The following DLG2 variants were observed in gnomAD, a reference collection of about 807,000 sequenced individuals.
The protein encoded by DLG2 is disks large homolog 2.
A neutral mutation model predicts 132.5 loss-of-function variants in DLG2; 45 were observed. That is an observed-to-expected ratio of 0.34 (90% CI 0.27 to 0.44). DLG2 has a LOEUF of 0.44. Among genes scored for constraint, DLG2 ranks in the 20% least tolerant of loss-of-function variants. DLG2 has a pLI of 1.00. For missense variants in DLG2, 1,045 were observed against 1,196.9 expected, an observed-to-expected ratio of 0.87 and a Z score of 1.87; for synonymous variants, 424 against 419.6, an observed-to-expected ratio of 1.01 and a Z score of -0.13.
At position 84,053,200 on chromosome 11, in the gene DLG2, T is replaced by C. The variant is rs34555244; in HGVS notation, c.919+6115A>G. Reference sequence around the variant, plus strand: ...GATACAGCATGTTCTCACTTACAAGTGGCAGCTGAGCAATGAGAATACACG... The same window carrying C: ...GATACAGCATGTTCTCACTTACAAGCGGCAGCTGAGCAATGAGAATACACG... On this transcript the variant is annotated intron_variant, in intron 11 of 27. Coordinates refer to ENST00000376104, the MANE Select transcript of DLG2 (RefSeq NM_001142699.3). Among the ~76,000 whole-genome samples the C allele has an allele frequency of 3.0e-3, 454 of 151,940 alleles. 1 individual carries two copies. The highest frequency in any genetic ancestry group is 0.01 in the African/African-American group (427 of 41,482).
intron 9 of DLG2, among the ~76,000 whole-genome samples, chr11:84,148,279 G>C (rs2095164046): frequency 1.3e-5 from 2 of 152,078 alleles, no homozygotes; most frequent in African/African-American, 4.8e-5. Context: ...AAGGCATATT[G>C]TGTGACGCTG....
At chr11:84,175,464 A>C (rs2095936786) in intron 8 of DLG2, among the ~76,000 whole-genome samples, 1 of 152,088 alleles carries the variant, frequency 6.6e-6, no homozygotes, top group African/African-American at 2.4e-5. Context: ...TTTTATTCAA[A>C]AATCTTACCA....
chr11:84,285,057 C>T (rs544182006), intron 7 of DLG2, among the ~76,000 whole-genome samples: 1 of 152,294 alleles, frequency 6.6e-6, no homozygotes, highest in African/African-American at 2.4e-5. Context: ...CCTATTTACA[C>T]ATTTAAACAT....
chr11:84,417,851 C>T (rs1265487440), intron 7 of DLG2, among the ~76,000 whole-genome samples: 1 of 152,154 alleles, frequency 6.6e-6, no homozygotes, highest in Non-Finnish European at 1.5e-5. Context: ...CTGGATGAAA[C>T]TTATAAAACT....
chr11:85,244,246 ATTTAGAAG>A (rs1318961293), intron 4 of DLG2, among the ~76,000 whole-genome samples: 1 of 151,972 alleles, frequency 6.6e-6, no homozygotes, highest in Non-Finnish European at 1.5e-5. Flanking sequence ...GTTATAAATT[ATTTAGAAG>A]TTTAGTAGGT....
At chr11:84,005,760 A>G (rs780303064) in intron 11 of DLG2, among the ~76,000 whole-genome samples, 14 of 151,846 alleles carry the variant, frequency 9.2e-5, no homozygotes, top group Non-Finnish European at 1.6e-4. Context: ...CAAATCAAAA[A>G]CCACAATGAG....
At chr11:83,827,043 A>G (rs975664329) in intron 17 of DLG2, among the ~76,000 whole-genome samples, 1 of 152,118 alleles carries the variant, frequency 6.6e-6, no homozygotes, top group Non-Finnish European at 1.5e-5. Context: ...GAAAACTAGG[A>G]AAGCAAGGTT....
intron 20 of DLG2, 133 bp from the exon 21 acceptor site, chr11:83,532,916 C>G: frequency 4.1e-6 from 3 of 732,542 alleles, no homozygotes; most frequent in Admixed American, 3.2e-5. Flanking sequence ...ATTTCTCTTC[C>G]TTTGTTCCAT....
chr11:84,173,108 T>C (rs1314650226), intron 8 of DLG2, among the ~76,000 whole-genome samples: 2 of 152,170 alleles, frequency 1.3e-5, no homozygotes, highest in African/African-American at 2.4e-5. Flanking sequence ...ATATACAAAA[T>C]TGTCTTGATT....
At chr11:84,850,286 G>A (rs1180162587) in intron 6 of DLG2, among the ~76,000 whole-genome samples, 1 of 152,140 alleles carries the variant, frequency 6.6e-6, no homozygotes, top group Non-Finnish European at 1.5e-5. Context: ...CCAAATGGCA[G>A]TTGAACAGAG....
intron 5 of DLG2, among the ~76,000 whole-genome samples, chr11:85,125,902 C>G (rs2075050858): frequency 6.6e-6 from 1 of 151,210 alleles, no homozygotes; most frequent in Non-Finnish European, 1.5e-5. Context: ...AAAAGAAAGA[C>G]AAAATAATCA....
intron 16 of DLG2, among the ~76,000 whole-genome samples, chr11:83,855,035 A>G (rs1020371508): frequency 6.6e-6 from 1 of 152,190 alleles, no homozygotes. Flanking sequence ...ACCTCATCAA[A>G]GAAGATAAAC....
chr11:85,395,766 C>A (rs1182500838), intron 3 of DLG2, among the ~76,000 whole-genome samples: 1 of 152,210 alleles, frequency 6.6e-6, no homozygotes, highest in Non-Finnish European at 1.5e-5. Flanking sequence ...CCAGGAAGCA[C>A]AAACTGGGTG....
At chr11:84,883,689 T>G (rs1233513617) in intron 6 of DLG2, among the ~76,000 whole-genome samples, 8 of 152,094 alleles carry the variant, frequency 5.3e-5, no homozygotes, top group Admixed American at 3.9e-4. Context: ...CTTTTTAACT[T>G]CCAAGAAGTT....
intron 17 of DLG2, among the ~76,000 whole-genome samples, chr11:83,796,909 C>T (rs2042955911): frequency 6.6e-6 from 1 of 151,966 alleles, no homozygotes; most frequent in Non-Finnish European, 1.5e-5. Flanking sequence ...AGTGCTAGCA[C>T]AAAAAAAGTC....
intron 7 of DLG2, among the ~76,000 whole-genome samples, chr11:84,425,423 C>T (rs2098963176): frequency 6.6e-6 from 1 of 152,110 alleles, no homozygotes; most frequent in Non-Finnish European, 1.5e-5. Context: ...CATCATACTA[C>T]ATTTTATCCT....
intron 3 of DLG2, among the ~76,000 whole-genome samples, chr11:85,291,587 T>TC (rs2078896263): frequency 1.8e-5 from 2 of 113,190 alleles, no homozygotes; most frequent in East Asian, 3.9e-4. Flanking sequence ...ATTCTCTTCT[T>TC]TTTTTTTTTT....
chr11:84,564,859 A>G (rs1346964332), intron 6 of DLG2, among the ~76,000 whole-genome samples: 1 of 152,194 alleles, frequency 6.6e-6, no homozygotes, highest in Non-Finnish European at 1.5e-5. Flanking sequence ...ATTCTGTCCA[A>G]TTTAGTAATA....
chr11:85,156,095 T>C (rs1456845295), intron 4 of DLG2, among the ~76,000 whole-genome samples: 1 of 152,170 alleles, frequency 6.6e-6, no homozygotes, highest in African/African-American at 2.4e-5. Flanking sequence ...GTACCTGCAC[T>C]GATTGTGACA....
Sources: gnomAD v4.1 joint callset for allele counts (sites outside exome capture counted in the v4.1 genomes callset) on GRCh38, gnomAD v4.1.1 for gene constraint, MANE v1.5 for transcripts, NCBI Gene and HGNC (gene_info 2026-07-23, HGNC 2026-07-21) for gene names.